Variants in MAGI1 observed in about 807,000 individuals in gnomAD.
The protein encoded by MAGI1 is membrane-associated guanylate kinase, WW and PDZ domain-containing protein 1.
MAGI1 carries 58 observed loss-of-function variants against 139.9 expected under a neutral mutation model. That is an observed-to-expected ratio of 0.41 (90% CI 0.34 to 0.52). The LOEUF is 0.52. Ranked by LOEUF, MAGI1 falls within the 20% of genes least tolerant of loss-of-function variation. MAGI1 has a pLI of 0.12. For missense variants in MAGI1, 1,874 were observed against 1,901.6 expected (o/e 0.99, Z 0.27); for synonymous variants, 812 against 737.9 (o/e 1.10, Z -1.63).
At chr3:65,474,678 A>C (rs1238801542) in intron 4 of MAGI1, among the ~76,000 whole-genome samples, 1 of 152,066 alleles carries the variant, frequency 6.6e-6, no homozygotes, top group Non-Finnish European at 1.5e-5. Context: ...TGACTTCAAC[A>C]ACATAAGCCA....
chr3:65,721,803 T>C (rs2033059627), intron 1 of MAGI1, among the ~76,000 whole-genome samples: 1 of 152,002 alleles, frequency 6.6e-6, no homozygotes, highest in Non-Finnish European at 1.5e-5. Context: ...TTCCTTAAAA[T>C]GGCTGTTTCT....
At chr3:65,371,939 C>T (rs1465628439) in intron 18 of MAGI1, 7 of 444,896 alleles carry the variant, frequency 1.6e-5, no homozygotes, top group African/African-American at 1.4e-4. Flanking sequence ...CAGCTTCTTC[C>T]TCCACTGAAG....
chr3:66,025,379 A>C (rs2068197797), intron 1 of MAGI1, among the ~76,000 whole-genome samples: 1 of 50,926 alleles, frequency 2.0e-5, no homozygotes, highest in African/African-American at 1.7e-4. Flanking sequence ...TCTCTACCCA[A>C]AAAAAAATTA....
intron 1 of MAGI1, among the ~76,000 whole-genome samples, chr3:65,798,170 G>T (rs1026385155): frequency 4.0e-5 from 6 of 151,570 alleles, no homozygotes; most frequent in Non-Finnish European, 7.4e-5. Context: ...TGGGCATGGT[G>T]GGGTGTGCCT....
chr3:65,770,375 G>C (rs138357786), intron 1 of MAGI1, among the ~76,000 whole-genome samples: 1 of 152,150 alleles, frequency 6.6e-6, no homozygotes, highest in Non-Finnish European at 1.5e-5. Flanking sequence ...TCTAGGTACC[G>C]TAGGGCATTG....
At chr3:65,428,924 C>G (rs955916354) in intron 12 of MAGI1, among the ~76,000 whole-genome samples, 2 of 151,918 alleles carry the variant, frequency 1.3e-5, no homozygotes, top group African/African-American at 2.4e-5. Context: ...CCAGGCAGAA[C>G]GGACAGTAAA....
At chr3:66,013,902 C>T (rs529036833) in intron 1 of MAGI1, among the ~76,000 whole-genome samples, 15 of 152,036 alleles carry the variant, frequency 9.9e-5, no homozygotes, top group Non-Finnish European at 2.1e-4. Context: ...TTAAGTAAAA[C>T]GGAGATACTC....
chr3:65,930,085 G>C (rs1402561007), intron 1 of MAGI1, among the ~76,000 whole-genome samples: 2 of 152,010 alleles, frequency 1.3e-5, no homozygotes, highest in Non-Finnish European at 2.9e-5. Context: ...GGGAGGCCGA[G>C]GCGGGTGGAT....
At chr3:65,986,136 C>T (rs1560083775) in intron 1 of MAGI1, among the ~76,000 whole-genome samples, 1 of 152,120 alleles carries the variant, frequency 6.6e-6, no homozygotes, top group Admixed American at 6.6e-5. Context: ...ATCATGGTGC[C>T]TCTTCTCACT....
intron 1 of MAGI1, among the ~76,000 whole-genome samples, chr3:65,915,110 T>C (rs1043440350): frequency 2.6e-5 from 4 of 152,164 alleles, no homozygotes; most frequent in African/African-American, 9.7e-5. Context: ...ATGATGTTGA[T>C]CAGTCCCTTG....
At chr3:65,456,393 A>G (rs977895762) in intron 5 of MAGI1, among the ~76,000 whole-genome samples, 4 of 138,186 alleles carry the variant, frequency 2.9e-5, no homozygotes, top group Non-Finnish European at 4.7e-5. Flanking sequence ...TTTTTTTTTC[A>G]CTCCGGAGTT....
intron 1 of MAGI1, among the ~76,000 whole-genome samples, chr3:65,684,585 T>A (rs2107529130): frequency 6.6e-6 from 1 of 152,298 alleles, no homozygotes; most frequent in East Asian, 1.9e-4. Context: ...ATCTTGACTG[T>A]GGTTGTAGAT....
At chr3:65,430,913 T>A in intron 10 of MAGI1, 32 bp from the exon 11 acceptor site, 1 of 1,592,716 alleles carries the variant, frequency 6.3e-7, no homozygotes, top group East Asian at 2.2e-5. Context: ...ATAAGGAATG[T>A]CACCACTGGT....
intron 1 of MAGI1, among the ~76,000 whole-genome samples, chr3:65,964,004 C>A (rs2064607677): frequency 6.6e-6 from 1 of 152,190 alleles, no homozygotes; most frequent in African/African-American, 2.4e-5. Context: ...GAGTCAGATT[C>A]CTGAGTCTAG....
Position 65,893,633 on chromosome 3 carries a change from C to T in MAGI1, c.313+144363G>A, listed in dbSNP as rs960820502. 4.6e-5 allele frequency among the ~76,000 whole-genome samples: 7 copies of T among 152,284 alleles called. 2 individuals are homozygous for T. Among genetic ancestry groups the T allele is most frequent in the Admixed American group, 1.3e-4 (2 of 15,294 alleles). On this transcript the variant is annotated intron_variant, in intron 1 of 22. Coordinates refer to ENST00000402939, the MANE Select transcript of MAGI1 (RefSeq NM_001033057.2). Reference sequence around the variant, plus strand: ...ATTACAAATTTTGCCCCAGGTTACACAGTTACTAAGTGGTAAAGACAGTAT... The same window carrying T: ...ATTACAAATTTTGCCCCAGGTTACATAGTTACTAAGTGGTAAAGACAGTAT...
intron 1 of MAGI1, among the ~76,000 whole-genome samples, chr3:65,821,188 T>C (rs1419674617): frequency 6.6e-6 from 1 of 152,124 alleles, no homozygotes; most frequent in Non-Finnish European, 1.5e-5. Flanking sequence ...CACAGGATTG[T>C]AGAACTCAAG....
At chr3:65,694,834 C>T (rs73129887) in intron 1 of MAGI1, among the ~76,000 whole-genome samples, 42,588 of 152,086 alleles carry the variant, frequency 0.28, 6,072 homozygotes, top group East Asian at 0.43. Context: ...ATACTGCAAT[C>T]ACTACTCACT....
intron 1 of MAGI1, among the ~76,000 whole-genome samples, chr3:65,834,087 T>C (rs887627140): frequency 6.6e-6 from 1 of 152,172 alleles, no homozygotes; most frequent in Non-Finnish European, 1.5e-5. Context: ...GAAATTCTTA[T>C]GCCTAACACC....
At chr3:65,836,656 T>C (rs2042822468) in intron 1 of MAGI1, among the ~76,000 whole-genome samples, 1 of 151,966 alleles carries the variant, frequency 6.6e-6, no homozygotes, top group Non-Finnish European at 1.5e-5. Context: ...CCATCTCTAC[T>C]AAAACTACAA....
Sources: gnomAD v4.1 joint callset for allele counts (sites outside exome capture counted in the v4.1 genomes callset) on GRCh38, gnomAD v4.1.1 for gene constraint, MANE v1.5 for transcripts, NCBI Gene and HGNC (gene_info 2026-07-23, HGNC 2026-07-21) for gene names.